Variants in UGT1A6 observed in about 807,000 individuals in gnomAD.
UGT1A6 encodes UDP-glucuronosyltransferase 1A6.
UGT1A6 carries 32 observed loss-of-function variants against 44.4 expected under a neutral mutation model. The observed-to-expected ratio is 0.72, with a 90% CI of 0.54 to 0.97. The LOEUF is 0.97. Among genes scored for constraint, UGT1A6 ranks in the 50% least tolerant of loss-of-function variants. The pLI, the probability that UGT1A6 is intolerant of heterozygous loss-of-function variation, is 0.00. For synonymous variants in UGT1A6, 238 were observed against 248.5 expected (o/e 0.96, Z 0.40); for missense variants, 685 against 661.9 (o/e 1.03, Z -0.38).
At chr2:233,742,194 T>G (rs1691905587) in intron 1 of UGT1A6, among the ~76,000 whole-genome samples, 1 of 151,838 alleles carries the variant, frequency 6.6e-6, no homozygotes. Context: ...GAGTGGGAAA[T>G]CAGGGGACTC....
rs781679584 is a variant in UGT1A6 at position 233,729,361 on chromosome 2, A to T, written c.861+35496A>T. ...AGAAGAGAACTTTTTCACCCTGACA[A>T]CCTATGCCATTTCGTGGACCCAGGA... On this transcript the variant is annotated intron_variant, in intron 1 of 4. Transcript: ENST00000305139. 4 of 1,613,978 alleles carry T rather than the reference A, an allele frequency of 2.5e-6. No individual in the cohort carries two copies. The Admixed American group carries it at 5.0e-5, about 20-fold the overall frequency.
Position 233,693,535 on chromosome 2 carries a change from C to T in UGT1A6, c.531C>T (p.Ser177=). ...SVYLFRGFPC[S]LEHTFSRSPD... is the part of the protein sequence containing the mutation. ...ACCTCTTCAGGGGTTTTCCGTGTTC[C>T]CTGGAGCATACATTCAGCAGAAGCC... Residue 177 remains serine, a synonymous_variant, in exon 1 of 5, where the codon TCC becomes TCT. Transcript: ENST00000305139. The T allele has an allele frequency of 6.2e-7, 1 of 1,614,120 alleles. No homozygotes were observed. Among genetic ancestry groups the T allele is most frequent in the Non-Finnish European group, 8.5e-7 (1 of 1,180,010 alleles).
chr2:233,728,050 G>T (rs2077677324), intron 1 of UGT1A6, among the ~76,000 whole-genome samples: 1 of 152,214 alleles, frequency 6.6e-6, no homozygotes, highest in Non-Finnish European at 1.5e-5. Context: ...GCCTCATTGG[G>T]CTTGAGGCCC....
chr2:233,725,119 T>G (rs1275718830), intron 1 of UGT1A6, among the ~76,000 whole-genome samples: 3 of 139,294 alleles, frequency 2.2e-5, no homozygotes. Flanking sequence ...GAGGTTGCAG[T>G]GAGCCGAGAT....
At chr2:233,713,634 C>T (rs1302996427) in intron 1 of UGT1A6, 1 of 1,613,964 alleles carries the variant, frequency 6.2e-7, no homozygotes, top group South Asian at 1.1e-5. Flanking sequence ...CAAGAACATG[C>T]TCTACCCTCT....
In UGT1A6 at chr2:233,761,530, G is replaced by A. The variant is rs544153828; in HGVS notation, c.862-5504G>A. Among the ~76,000 whole-genome samples, 10 of 152,346 alleles carry A rather than the reference G, an allele frequency of 6.6e-5. No homozygotes were observed. In the East Asian group the frequency reaches 9.7e-4, roughly 15 times the overall value. ...CAGGCAGGCAATGTTCAGGACTGAT[G>A]AAATCATTCTTTGATGATGATAGAT... On this transcript the variant is annotated intron_variant, in intron 1 of 4. Coordinates refer to ENST00000305139, the MANE Select transcript of UGT1A6 (RefSeq NM_001072.4).
intron 1 of UGT1A6, among the ~76,000 whole-genome samples, chr2:233,728,333 C>T (rs2077701109): frequency 6.6e-6 from 1 of 152,198 alleles, no homozygotes; most frequent in Admixed American, 6.5e-5. Context: ...CCAGCTCCCC[C>T]AGTCCCTTGG....
At chr2:233,742,275 G>A (rs530513116) in intron 1 of UGT1A6, among the ~76,000 whole-genome samples, 1 of 152,110 alleles carries the variant, frequency 6.6e-6, no homozygotes, top group East Asian at 1.9e-4. Context: ...CCTGTGATAA[G>A]CATCATTTCT....
Position 233,713,840 on chromosome 2 carries a change from C to T in UGT1A6, c.861+19975C>T, listed in dbSNP as rs149208140. The T allele has an allele frequency of 4.2e-3, 6,793 of 1,614,012 alleles. 23 individuals carry two copies. Among genetic ancestry groups the T allele is most frequent in the Non-Finnish European group, 5.2e-3 (6,094 of 1,179,958 alleles). On this transcript the variant is annotated intron_variant, in intron 1 of 4. Transcript: ENST00000305139. ...TCATTGGGGGCATCAACTGTGCCAA[C>T]GGGAAGCCACTATCTCAGGTCTGTA...
At chr2:233,706,326 T>C (rs559515349) in intron 1 of UGT1A6, among the ~76,000 whole-genome samples, 1 of 152,188 alleles carries the variant, frequency 6.6e-6, no homozygotes, top group Non-Finnish European at 1.5e-5. Flanking sequence ...TTGGAACTAT[T>C]CAAGCTGGTG....
chr2:233,737,897 T>G (rs1404906155), intron 1 of UGT1A6, among the ~76,000 whole-genome samples: 4 of 152,000 alleles, frequency 2.6e-5, no homozygotes, highest in African/African-American at 9.7e-5. Flanking sequence ...AATTTTCGAG[T>G]GTGGTAAAGA....
At chr2:233,713,913 A>G in intron 1 of UGT1A6, 1 of 1,612,556 alleles carries the variant, frequency 6.2e-7, no homozygotes, top group Non-Finnish European at 8.5e-7. Context: ...CTTTTTAAAA[A>G]ATGTATTTAC....
rs945545582 is a variant in UGT1A6, at chr2:233,772,813, G to A, written c.*254G>A. On this transcript the variant is annotated 3_prime_UTR_variant, in exon 5 of 5. Coordinates refer to ENST00000305139, the MANE Select transcript of UGT1A6 (RefSeq NM_001072.4). ...TGACATGTGCCATTTTTCAGAGGAC[G>A]TGCAGACAGGCTGGCATTCTAGATT... 2 of 1,026,302 alleles carry A rather than the reference G, an allele frequency of 1.9e-6. No individual in the cohort carries two copies. Among genetic ancestry groups the A allele is most frequent in the Admixed American group, 3.1e-5 (1 of 32,076 alleles). 63.6% of individuals were successfully genotyped at this position (1,026,302 alleles called of 1,614,324 possible).
intron 1 of UGT1A6, chr2:233,747,103 T>G: frequency 7.3e-7 from 1 of 1,362,910 alleles, no homozygotes. Context: ...TATCTTCCAA[T>G]TACATGATGA....
rs587784540 is a variant in UGT1A6 at position 233,760,766 on chromosome 2, T to A, written c.862-6268T>A. 1.9e-6 allele frequency: 3 copies of A among 1,614,116 alleles called. No individual in the cohort carries two copies. The South Asian group carries it at 3.3e-5, about 18-fold the overall frequency. On this transcript the variant is annotated intron_variant, in intron 1 of 4. Coordinates refer to ENST00000305139, the MANE Select transcript of UGT1A6 (RefSeq NM_001072.4). ...CCTTTCCTTCCTTGCAGCCCCATCG[T>A]GGCCCAGTACCTGTCTCTGCCCACT...
rs762067674 is a variant in UGT1A6 at position 233,713,351 on chromosome 2, G to A, written c.861+19486G>A. 1.7e-5 allele frequency: 27 copies of A among 1,614,060 alleles called. No homozygotes were observed. Among genetic ancestry groups the A allele is most frequent in the Admixed American group, 5.0e-5 (3 of 60,000 alleles). On this transcript the variant is annotated intron_variant, in intron 1 of 4. Transcript: ENST00000305139. ...GAAGAATGGCAATTATGAACAATATGTCTTTGATCATACATAGGTCTTGTG... is the reference window on the plus strand; with the variant it reads ...GAAGAATGGCAATTATGAACAATATATCTTTGATCATACATAGGTCTTGTG...
At chr2:233,719,828 G>A in intron 1 of UGT1A6, 1 of 1,554,886 alleles carries the variant, frequency 6.4e-7, no homozygotes, top group Non-Finnish European at 8.7e-7. Flanking sequence ...AACTGTTGAG[G>A]GGCCTAGTGT....
intron 1 of UGT1A6, among the ~76,000 whole-genome samples, chr2:233,708,070 G>T (rs1007307586): frequency 1.3e-5 from 2 of 152,102 alleles, no homozygotes; most frequent in Non-Finnish European, 2.9e-5. Flanking sequence ...TCTGCATCTT[G>T]CTTTTTACTT....
chr2:233,750,221 T>C (rs1694392480), intron 1 of UGT1A6, among the ~76,000 whole-genome samples: 1 of 151,858 alleles, frequency 6.6e-6, no homozygotes, highest in Non-Finnish European at 1.5e-5. Context: ...CAGATGGAGA[T>C]GAGGAACTTA....
Sources: gnomAD v4.1 joint callset for allele counts (sites outside exome capture counted in the v4.1 genomes callset) on GRCh38, gnomAD v4.1.1 for gene constraint, MANE v1.5 for transcripts, NCBI Gene and HGNC (gene_info 2026-07-23, HGNC 2026-07-21) for gene names.